The following ARID2 variants were observed in gnomAD, a reference collection of about 807,000 sequenced individuals.
ARID2 encodes the protein AT-rich interactive domain-containing protein 2.
Under a neutral mutation model 184.6 loss-of-function variants are expected in ARID2, and 32 were observed. That is an observed-to-expected ratio of 0.17 (90% CI 0.13 to 0.23). ARID2 has a LOEUF of 0.23. Among genes scored for constraint, ARID2 ranks in the 10% least tolerant of loss-of-function variants. The pLI is 1.00. For synonymous variants in ARID2, 836 were observed against 772.6 expected, an observed-to-expected ratio of 1.08 and a Z score of -1.36; for missense variants, 1,696 against 2,197.6, an observed-to-expected ratio of 0.77 and a Z score of 4.56.
chr12:45,847,659 T>C (rs750120016), intron 12 of ARID2, among the ~76,000 whole-genome samples: 11 of 152,092 alleles, frequency 7.2e-5, no homozygotes, highest in Non-Finnish European at 1.0e-4. Flanking sequence ...TTGATCACTT[T>C]TCTGCCATTC....
intron 6 of ARID2, among the ~76,000 whole-genome samples, chr12:45,834,075 CATTGG>C (rs1252000525): frequency 6.6e-6 from 1 of 152,154 alleles, no homozygotes; most frequent in Non-Finnish European, 1.5e-5. Flanking sequence ...ACCAGTCAAT[CATTGG>C]AATAACCTCA....
chr12:45,863,727 A>G (rs1188325053), intron 16 of ARID2, among the ~76,000 whole-genome samples: 1 of 152,050 alleles, frequency 6.6e-6, no homozygotes, highest in African/African-American at 2.4e-5. Flanking sequence ...CCTTTTAAGG[A>G]CTTAAAAGTG....
At chr12:45,878,613 A>G (rs894384451) in intron 16 of ARID2, among the ~76,000 whole-genome samples, 35 of 151,978 alleles carry the variant, frequency 2.3e-4, no homozygotes, top group Admixed American at 1.8e-3. Flanking sequence ...CTCTGCTTAC[A>G]TTATTCATTT....
chr12:45,831,271 C>T (rs1249228876), intron 6 of ARID2, among the ~76,000 whole-genome samples: 1 of 151,992 alleles, frequency 6.6e-6, no homozygotes, highest in Non-Finnish European at 1.5e-5. Flanking sequence ...ACAAAATTAC[C>T]TCTAAGCACA....
chr12:45,805,136 A>G (rs1298376242), intron 3 of ARID2, among the ~76,000 whole-genome samples: 4 of 151,902 alleles, frequency 2.6e-5, no homozygotes. Context: ...TATGCCTCAG[A>G]GTGGATTTGC....
intron 16 of ARID2, among the ~76,000 whole-genome samples, chr12:45,886,466 T>C (rs1462114044): frequency 7.2e-5 from 11 of 152,180 alleles, no homozygotes; most frequent in Admixed American, 7.2e-4. Flanking sequence ...TTATCTACCA[T>C]TCTGGGGTCT....
intron 3 of ARID2, among the ~76,000 whole-genome samples, chr12:45,804,959 C>G (rs1170499307): frequency 2.6e-5 from 4 of 151,982 alleles, no homozygotes; most frequent in Admixed American, 2.6e-4. Context: ...AAATGATTTT[C>G]TTTTACTTAC....
At chr12:45,881,046 G>A (rs1460628060) in intron 16 of ARID2, 1 of 178,350 alleles carries the variant, frequency 5.6e-6, no homozygotes, top group African/African-American at 2.4e-5. Context: ...TCATGGCCTA[G>A]TTGTAGTCCT....
intron 8 of ARID2, 92 bp downstream of exon 8, chr12:45,837,083 T>A: frequency 6.8e-7 from 1 of 1,462,710 alleles, no homozygotes. Context: ...TTGCCATATT[T>A]ATAGACTATT....
intron 3 of ARID2, among the ~76,000 whole-genome samples, chr12:45,796,725 C>G (rs1047820938): frequency 6.6e-6 from 1 of 152,110 alleles, no homozygotes; most frequent in Admixed American, 6.6e-5. Context: ...ATTGGCCAGG[C>G]TGGTCTCGAA....
intron 6 of ARID2, among the ~76,000 whole-genome samples, chr12:45,833,572 A>G (rs1943162074): frequency 6.6e-6 from 1 of 152,012 alleles, no homozygotes; most frequent in African/African-American, 2.4e-5. Context: ...GAACTTTGGC[A>G]TTTTTCCAGA....
chr12:45,906,714 G>T lies in ARID2; in HGVS notation c.*1636G>T, dbSNP rs998569361. Reference sequence around the variant, plus strand: ...GGTCCTTTACATGACAAATTTGCATGAAATAAGCAGATTAACCAAGTATTT... The same window carrying T: ...GGTCCTTTACATGACAAATTTGCATTAAATAAGCAGATTAACCAAGTATTT... On this transcript the variant is annotated 3_prime_UTR_variant, in exon 21 of 21. Transcript: ENST00000334344. 8.6e-6 allele frequency: 2 copies of T among 231,988 alleles called. No individual in the cohort carries two copies. The highest frequency in any genetic ancestry group is 4.4e-5 in the African/African-American group (2 of 45,282). The allele number at this position is 231,988 out of a possible 1,614,324, so 14.4% of individuals were successfully genotyped here.
At chr12:45,731,078 A>G (rs1358060888) in intron 2 of ARID2, 139 bp from the exon 3 acceptor site, 2 of 636,416 alleles carry the variant, frequency 3.1e-6, no homozygotes, top group Non-Finnish European at 5.6e-6. Flanking sequence ...TTGCTTAGTA[A>G]CTCTTACCGA....
chr12:45,900,441 T>C (rs1400786683), intron 20 of ARID2, among the ~76,000 whole-genome samples: 1 of 152,200 alleles, frequency 6.6e-6, no homozygotes, highest in African/African-American at 2.4e-5. Context: ...ATACTGATTG[T>C]ACCATATATT....
At chr12:45,752,010 AAAACTTTGAGGACTTT>A (rs1941474131) in intron 3 of ARID2, among the ~76,000 whole-genome samples, 1 of 152,220 alleles carries the variant, frequency 6.6e-6, no homozygotes. Context: ...TTTCAAATAT[AAAACTTTGAGGACTTT>A]AATTAGCAGA....
intron 3 of ARID2, among the ~76,000 whole-genome samples, chr12:45,784,276 C>T (rs1026178955): frequency 1.3e-5 from 2 of 152,120 alleles, no homozygotes; most frequent in Non-Finnish European, 1.5e-5. Flanking sequence ...CTGCTTCAGC[C>T]TCCTGAGTCT....
chr12:45,753,783 G>A (rs191609815), intron 3 of ARID2, among the ~76,000 whole-genome samples: 10 of 152,088 alleles, frequency 6.6e-5, no homozygotes, highest in Admixed American at 2.6e-4. Flanking sequence ...TTGTAGAGAC[G>A]AGGTCTCCCT....
chr12:45,826,529 C>T (rs1943005399), intron 6 of ARID2, among the ~76,000 whole-genome samples: 1 of 152,062 alleles, frequency 6.6e-6, no homozygotes, highest in African/African-American at 2.4e-5. Flanking sequence ...ATCCTCCTGC[C>T]TCAGGCTCCC....
rs146914006 is a variant in ARID2, at chr12:45,756,527, G to A, written c.284+25213G>A. Among the ~76,000 whole-genome samples the A allele has an allele frequency of 1.6e-3, 247 of 152,300 alleles. 1 individual carries two copies. Among genetic ancestry groups the A allele is most frequent in the African/African-American group, 5.8e-3 (243 of 41,548 alleles). ...ACTCTAACTCACCTTCAATTAATATGCAAAGAATATGTAACTGACAACATT... is the reference window on the plus strand; with the variant it reads ...ACTCTAACTCACCTTCAATTAATATACAAAGAATATGTAACTGACAACATT... On this transcript the variant is annotated intron_variant, in intron 3 of 20. Coordinates refer to ENST00000334344, the MANE Select transcript of ARID2 (RefSeq NM_152641.4).
Sources: allele counts gnomAD v4.1 joint callset (sites outside exome capture counted in the v4.1 genomes callset), GRCh38; gene constraint gnomAD v4.1.1; transcripts MANE v1.5; gene names NCBI Gene and HGNC (gene_info 2026-07-23, HGNC 2026-07-21).